The following STK32A variants were observed in gnomAD, a reference collection of about 807,000 sequenced individuals.
STK32A encodes serine/threonine-protein kinase 32A.
Under a neutral mutation model 53.2 loss-of-function variants are expected in STK32A, and 41 were observed. That is an observed-to-expected ratio of 0.77 (90% confidence interval 0.60 to 1.00). The LOEUF (loss-of-function observed/expected upper bound fraction) is 1.00. STK32A is among the 50% of genes least tolerant of loss of function. STK32A has a pLI of 0.00. For synonymous variants in STK32A, 166 were observed against 162.8 expected, an observed-to-expected ratio of 1.02 and a Z score of -0.15; for missense variants, 458 against 485.8, an observed-to-expected ratio of 0.94 and a Z score of 0.54.
downstream of STK32A, among the ~76,000 whole-genome samples, chr5:147,389,959 G>A (rs188520354): frequency 3.3e-5 from 5 of 152,340 alleles, no homozygotes; most frequent in Admixed American, 1.3e-4. Context: ...ACGCTCTGAT[G>A]TCAGGGTCTA....
chr5:147,312,209 T>C (rs973635838), intron 4 of STK32A, among the ~76,000 whole-genome samples: 4 of 152,208 alleles, frequency 2.6e-5, no homozygotes, highest in African/African-American at 9.6e-5. Flanking sequence ...CAGGTGATTA[T>C]CCTGCCTCAG....
chr5:147,287,338 T>C (rs1752392048), intron 4 of STK32A, among the ~76,000 whole-genome samples: 1 of 152,160 alleles, frequency 6.6e-6, no homozygotes. Flanking sequence ...ATGACTGTTA[T>C]TTAAATATGC....
In STK32A at chr5:147,373,174, C is replaced by G; in HGVS notation, c.783C>G (p.Leu261=). The G allele has an allele frequency of 6.2e-7, 1 of 1,613,022 alleles. No homozygotes were observed. Among genetic ancestry groups the G allele is most frequent in the Non-Finnish European group, 8.5e-7 (1 of 1,179,414 alleles). ...QEMVSLLKKL[L]EPNPDQRFSQ... ...TGTTTGCATTTTATTGGCAGCTACTCGAACCTAATCCAGACCAACGATTTT... is the reference window on the plus strand; with the variant it reads ...TGTTTGCATTTTATTGGCAGCTACTGGAACCTAATCCAGACCAACGATTTT... The change falls in exon 10 of 13, where the codon CTC becomes CTG. Residue 261 remains leucine, a synonymous_variant. Transcript: ENST00000397936.
chr5:147,283,269 A>G lies in STK32A; in HGVS notation c.260+3871A>G, dbSNP rs1019025911. On this transcript the variant is annotated intron_variant, in intron 4 of 12. Coordinates refer to ENST00000397936, the MANE Select transcript of STK32A (RefSeq NM_001112724.2). ...AATGACAATAATGACACAACCTATC[A>G]AAACCTCTAGGATACAGCAAAGGCG... 4.3e-4 allele frequency among the ~76,000 whole-genome samples: 65 copies of G among 152,306 alleles called. 1 individual carries two copies. Among genetic ancestry groups the G allele is most frequent in the Admixed American group, 1.5e-3 (23 of 15,294 alleles).
At chr5:147,290,360 A>G (rs897804647) in intron 4 of STK32A, among the ~76,000 whole-genome samples, 3 of 152,162 alleles carry the variant, frequency 2.0e-5, no homozygotes, top group African/African-American at 7.2e-5. Flanking sequence ...TACACTCAGG[A>G]ACAGTCTTCA....
At chr5:147,268,431 T>A (rs1347765401) in intron 2 of STK32A, among the ~76,000 whole-genome samples, 1 of 152,006 alleles carries the variant, frequency 6.6e-6, no homozygotes, top group Non-Finnish European at 1.5e-5. Flanking sequence ...TTATATCACT[T>A]GGAACTTGAA....
chr5:147,355,772 A>ATGTGTGTG (rs1181116539), intron 7 of STK32A, among the ~76,000 whole-genome samples: 2 of 130,324 alleles, frequency 1.5e-5, no homozygotes, highest in Admixed American at 8.2e-5. Context: ...ATGTATATGT[A>ATGTGTGTG]TGTGTGTGAG....
chr5:147,308,453 T>G (rs1581070535), intron 4 of STK32A, among the ~76,000 whole-genome samples: 1 of 152,166 alleles, frequency 6.6e-6, no homozygotes, highest in Non-Finnish European at 1.5e-5. Flanking sequence ...ATAGGTTTTC[T>G]TGGATTTTCA....
At position 147,358,548 on chromosome 5, in the gene STK32A, G is replaced by A. The variant is rs1260694040; in HGVS notation, c.563-2969G>A. On this transcript the variant is annotated intron_variant, in intron 7 of 12. Coordinates refer to ENST00000397936, the MANE Select transcript of STK32A (RefSeq NM_001112724.2). ...TAACCCAAATGGCTATCAACAATGGGATAGGTAGGTAAATTACAGTATATT... is the reference window on the plus strand; with the variant it reads ...TAACCCAAATGGCTATCAACAATGGAATAGGTAGGTAAATTACAGTATATT... Among the ~76,000 whole-genome samples, 3 of 152,104 alleles carry A rather than the reference G, an allele frequency of 2.0e-5. No homozygotes were observed. The East Asian group carries it at 5.8e-4, about 29-fold the overall frequency.
chr5:147,319,268 G>A (rs939361416), intron 4 of STK32A, among the ~76,000 whole-genome samples: 6 of 150,456 alleles, frequency 4.0e-5, no homozygotes, highest in Non-Finnish European at 8.8e-5. Flanking sequence ...TCAGCCTCCC[G>A]AGTAGCTGGA....
intron 2 of STK32A, among the ~76,000 whole-genome samples, chr5:147,274,829 T>C (rs1193458503): frequency 6.6e-6 from 1 of 152,306 alleles, no homozygotes; most frequent in Admixed American, 6.5e-5. Flanking sequence ...AGCTATTTAT[T>C]GTTGGAACTG....
downstream of STK32A, chr5:147,391,558 C>G (rs534982300): frequency 2.6e-5 from 4 of 152,364 alleles, no homozygotes; most frequent in Admixed American, 2.6e-4. Context: ...ATCCAGCGTG[C>G]CTTCCTACAC....
chr5:147,385,727 C>T lies in STK32A; in HGVS notation c.*1744C>T, dbSNP rs930687622. On this transcript the variant is annotated 3_prime_UTR_variant, in exon 13 of 13. Transcript: ENST00000397936. ...ACAGAAGAACTATTTTTGGCAACCC[C>T]TATGCCCCTGGGTAGGGTCCAGAAG... is the stretch of plus-strand genomic sequence containing the variant. 2.6e-5 allele frequency: 4 copies of T among 152,360 alleles called. No individual in the cohort carries two copies. In the East Asian group the frequency reaches 7.7e-4, roughly 29 times the overall value. The allele number at this position is 152,360 out of a possible 1,614,324, so 9.4% of individuals were successfully genotyped here.
At chr5:147,238,632 A>T (rs1022466390) in intron 1 of STK32A, among the ~76,000 whole-genome samples, 1 of 152,162 alleles carries the variant, frequency 6.6e-6, no homozygotes, top group African/African-American at 2.4e-5. Flanking sequence ...ATTCAGTTAA[A>T]TGTATGCATA....
chr5:147,278,069 G>A (rs779400398), intron 2 of STK32A, 55 bp from the exon 3 acceptor site: 4 of 1,380,916 alleles, frequency 2.9e-6, no homozygotes, highest in Admixed American at 4.0e-5. Context: ...TTATTTATTA[G>A]CTACTAAAGA....
intron 4 of STK32A, among the ~76,000 whole-genome samples, chr5:147,318,442 G>A (rs1042855475): frequency 1.3e-5 from 2 of 151,412 alleles, no homozygotes; most frequent in African/African-American, 2.4e-5. Context: ...ACAGTTTTTC[G>A]AGTGTATCCA....
At chr5:147,398,979 C>G in the STK32A span, 3 of 1,458,056 alleles carry the variant, frequency 2.1e-6, no homozygotes, top group Non-Finnish European at 2.8e-6. Flanking sequence ...TGCAACCCGT[C>G]CTAGTCTAAC....
chr5:147,311,686 C>G (rs1753704381), intron 4 of STK32A, among the ~76,000 whole-genome samples: 1 of 152,120 alleles, frequency 6.6e-6, no homozygotes, highest in Non-Finnish European at 1.5e-5. Context: ...CTCACCTCAA[C>G]CTCCTAAGTA....
chr5:147,341,194 C>G (rs1755387111), intron 5 of STK32A, among the ~76,000 whole-genome samples: 1 of 152,138 alleles, frequency 6.6e-6, no homozygotes, highest in South Asian at 2.1e-4. Context: ...CTCTGGGCCT[C>G]TTTTTCACCT....
Sources: allele counts gnomAD v4.1 joint callset (sites outside exome capture counted in the v4.1 genomes callset), GRCh38; gene constraint gnomAD v4.1.1; transcripts MANE v1.5; gene names NCBI Gene and HGNC (gene_info 2026-07-23, HGNC 2026-07-21).